SRRM4: variants seen among roughly 807,000 people sequenced by gnomAD.
SRRM4 encodes serine/arginine repetitive matrix protein 4.
SRRM4 carries 33 observed loss-of-function variants against 68.9 expected under a neutral mutation model. The ratio of observed to expected loss-of-function variants is 0.48; its 90% confidence interval spans 0.36 to 0.64. The LOEUF is 0.64. SRRM4 is among the 30% of genes least tolerant of loss of function. The pLI is 0.00. For missense variants in SRRM4, 817 were observed against 827.1 expected (o/e 0.99, Z 0.15); for synonymous variants, 318 against 318.8 (o/e 1.00, Z 0.03).
At chr12:119,071,532 C>G (rs1311336959) in intron 1 of SRRM4, among the ~76,000 whole-genome samples, 1 of 152,080 alleles carries the variant, frequency 6.6e-6, no homozygotes, top group African/African-American at 2.4e-5. Flanking sequence ...AATTTACATA[C>G]GATAAAATAA....
chr12:118,983,890 A>G (rs1010801951), intron 1 of SRRM4, among the ~76,000 whole-genome samples: 3 of 152,082 alleles, frequency 2.0e-5, no homozygotes, highest in Non-Finnish European at 4.4e-5. Context: ...AGACTTTTAT[A>G]ATACTCCACT....
At chr12:119,122,764 C>T (rs10849629) in intron 6 of SRRM4, among the ~76,000 whole-genome samples, 25,364 of 152,016 alleles carry the variant, frequency 0.17, 2,221 homozygotes, top group African/African-American at 0.22. Context: ...GCACAGGGGT[C>T]GTATGGTGGT....
intron 1 of SRRM4, among the ~76,000 whole-genome samples, chr12:119,072,464 T>G (rs115844509): frequency 6.6e-6 from 1 of 152,082 alleles, no homozygotes; most frequent in Non-Finnish European, 1.5e-5. Flanking sequence ...GGAAGATCTA[T>G]TTTTTTCCCC....
intron 7 of SRRM4, 46 bp downstream of exon 7, chr12:119,125,525 C>A: frequency 1.9e-6 from 3 of 1,550,050 alleles, no homozygotes; most frequent in Middle Eastern, 1.7e-4. Flanking sequence ...ACAGCCGAGC[C>A]CAGGCTAAGA....
intron 1 of SRRM4, among the ~76,000 whole-genome samples, chr12:119,019,959 C>T (rs867207970): frequency 6.3e-5 from 5 of 79,390 alleles, no homozygotes; most frequent in African/African-American, 1.7e-4. Flanking sequence ...TCCCCCCCCC[C>T]CCAAAAAAAA....
intron 1 of SRRM4, among the ~76,000 whole-genome samples, chr12:119,084,057 C>T (rs1333970418): frequency 2.0e-5 from 3 of 152,144 alleles, no homozygotes; most frequent in Non-Finnish European, 4.4e-5. Context: ...ACACAGCAAG[C>T]GCTATTACAC....
At chr12:119,122,831 G>A (rs534225086) in intron 6 of SRRM4, among the ~76,000 whole-genome samples, 2 of 152,318 alleles carry the variant, frequency 1.3e-5, no homozygotes, top group Admixed American at 6.5e-5. Context: ...ACGTGTGTGA[G>A]CATGTGTATG....
chr12:119,096,627 G>A (rs1035808867), intron 1 of SRRM4, among the ~76,000 whole-genome samples: 1 of 152,218 alleles, frequency 6.6e-6, no homozygotes, highest in African/African-American at 2.4e-5. Flanking sequence ...GTCACTATTT[G>A]CCTTGGGCAA....
chr12:119,085,624 C>T (rs1232240405), intron 1 of SRRM4, among the ~76,000 whole-genome samples: 1 of 152,210 alleles, frequency 6.6e-6, no homozygotes, highest in African/African-American at 2.4e-5. Flanking sequence ...AAGTTTGGAC[C>T]TGCTTTTGGG....
chr12:119,074,836 A>G (rs937017825), intron 1 of SRRM4, among the ~76,000 whole-genome samples: 1 of 152,204 alleles, frequency 6.6e-6, no homozygotes, highest in African/African-American at 2.4e-5. Flanking sequence ...AATTCACCCC[A>G]TCACATACAT....
chr12:119,154,473 C>T lies in SRRM4; in HGVS notation c.1532+90C>T, dbSNP rs930134416. 1.4e-6 allele frequency: 2 copies of T among 1,454,700 alleles called. No individual in the cohort carries two copies. The highest frequency in any genetic ancestry group is 2.8e-5 in the African/African-American group (2 of 70,990). 90.1% of individuals were successfully genotyped at this position (1,454,700 alleles called of 1,614,324 possible). A position where few individuals can be genotyped will look rare whatever the true frequency, so the allele number is the denominator to read the frequency against. On this transcript the variant is annotated intron_variant, in intron 12 of 12. Coordinates refer to ENST00000267260, the MANE Select transcript of SRRM4 (RefSeq NM_194286.4). This position sits in a 1 kb window ranked among gnomAD's most constrained non-coding sequence, Gnocchi z 4.7. Reference sequence around the variant, plus strand: ...GAGCCTCAGGCTCTCCCTAGGCCTCCTTGGGGCTGGGATTTAGGATTGTGC... The same window carrying T: ...GAGCCTCAGGCTCTCCCTAGGCCTCTTTGGGGCTGGGATTTAGGATTGTGC...
chr12:119,114,789 C>T (rs557975253), intron 3 of SRRM4, among the ~76,000 whole-genome samples: 2 of 151,474 alleles, frequency 1.3e-5, no homozygotes, highest in East Asian at 3.9e-4. Flanking sequence ...CTCAGCCTCC[C>T]GAGTAGCTGT....
At chr12:119,086,783 C>A (rs1348719465) in intron 1 of SRRM4, among the ~76,000 whole-genome samples, 1 of 152,194 alleles carries the variant, frequency 6.6e-6, no homozygotes, top group African/African-American at 2.4e-5. Flanking sequence ...AACGAATACC[C>A]CCAGAGTTTT....
chr12:119,110,801 T>C (rs146772898), intron 2 of SRRM4, among the ~76,000 whole-genome samples: 11,722 of 152,244 alleles, frequency 0.077, 503 homozygotes, highest in Admixed American at 0.1. Context: ...CGCCCTGCTT[T>C]GGCTCATGCT....
chr12:119,020,245 G>C (rs1215283354), intron 1 of SRRM4, among the ~76,000 whole-genome samples: 1 of 152,036 alleles, frequency 6.6e-6, no homozygotes, highest in African/African-American at 2.4e-5. Flanking sequence ...AGCCCAGAAG[G>C]GGGAAGTCAC....
At chr12:119,015,233 A>T (rs1050832194) in intron 1 of SRRM4, among the ~76,000 whole-genome samples, 1 of 152,188 alleles carries the variant, frequency 6.6e-6, no homozygotes, top group Non-Finnish European at 1.5e-5. Flanking sequence ...CAGCAGGTCT[A>T]TCACTTATAA....
At chr12:119,091,122 T>C (rs181988386) in intron 1 of SRRM4, among the ~76,000 whole-genome samples, 8 of 152,288 alleles carry the variant, frequency 5.3e-5, no homozygotes, top group Middle Eastern at 3.4e-3. Flanking sequence ...GGCACGAGTG[T>C]GTGTGTGTCT....
intron 3 of SRRM4, among the ~76,000 whole-genome samples, chr12:119,115,485 G>A (rs1343905530): frequency 6.6e-6 from 1 of 152,108 alleles, no homozygotes; most frequent in Non-Finnish European, 1.5e-5. Context: ...AAACCTGTAG[G>A]GGGCAGCAGA....
At chr12:118,991,268 C>G (rs1016301910) in intron 1 of SRRM4, among the ~76,000 whole-genome samples, 6 of 152,208 alleles carry the variant, frequency 3.9e-5, no homozygotes, top group South Asian at 4.1e-4. Context: ...TTTCCAGGCT[C>G]CTTCCTGCCA....
Sources: allele counts gnomAD v4.1 joint callset (sites outside exome capture counted in the v4.1 genomes callset), GRCh38; gene constraint gnomAD v4.1.1; non-coding constraint Gnocchi (gnomAD v3.1); transcripts MANE v1.5; gene names NCBI Gene and HGNC (gene_info 2026-07-23, HGNC 2026-07-21).